The following FBXO25 variants were observed in gnomAD, a reference collection of about 807,000 sequenced individuals.
The protein encoded by FBXO25 is F-box only protein 25.
FBXO25 carries 45 observed loss-of-function variants against 51.9 expected under a neutral mutation model. That is an observed-to-expected ratio of 0.87 (90% CI 0.68 to 1.11). FBXO25 has a LOEUF of 1.11. Among genes scored for constraint, FBXO25 ranks in the 50% most tolerant of loss-of-function variants. The pLI is 0.00. For synonymous variants in FBXO25, 199 were observed against 151.0 expected, an observed-to-expected ratio of 1.32 and a Z score of -2.33; for missense variants, 507 against 428.5, an observed-to-expected ratio of 1.18 and a Z score of -1.62.
rs1585119552 is a variant in FBXO25, at chr8:470,545, G to A, written c.*1741G>A. Reference sequence around the variant, plus strand: ...CAGGCATATACCACCATGCTCAGCTGTTTTTTTGTATTTTTAGTAGAGATG... The same window carrying A: ...CAGGCATATACCACCATGCTCAGCTATTTTTTTGTATTTTTAGTAGAGATG... On this transcript the variant is annotated 3_prime_UTR_variant, in exon 10 of 10. Coordinates refer to ENST00000350302, the MANE Select transcript of FBXO25 (RefSeq NM_183420.2). 1 of 151,780 alleles carries A rather than the reference G, an allele frequency of 6.6e-6. No individual in the cohort carries two copies. The highest frequency in any genetic ancestry group is 6.6e-5 in the Admixed American group (1 of 15,210). 9.4% of individuals were successfully genotyped at this position (151,780 alleles called of 1,614,324 possible).
intron 5 of FBXO25, among the ~76,000 whole-genome samples, chr8:448,948 A>G (rs1798902842): frequency 6.6e-6 from 1 of 152,256 alleles, no homozygotes; most frequent in South Asian, 2.1e-4. Context: ...AAACATTTCT[A>G]AATTTCAGAA....
intron 2 of FBXO25, among the ~76,000 whole-genome samples, chr8:428,176 A>T (rs1425561740): frequency 6.6e-6 from 1 of 152,164 alleles, no homozygotes; most frequent in African/African-American, 2.4e-5. Flanking sequence ...ATGGAAAGGA[A>T]CTTGGAAAAG....
chr8:450,153 T>C, intron 6 of FBXO25, 70 bp downstream of exon 6: 2 of 1,128,184 alleles, frequency 1.8e-6, no homozygotes, highest in Non-Finnish European at 2.6e-6. Context: ...GATGGGATTT[T>C]TCTTTTATCT....
rs575790319 is a variant in FBXO25, at chr8:474,061, T to A, written c.*5257T>A. Reference sequence around the variant, plus strand: ...ACAAGTTCAACTTTACAAGATGAACTTTTGTCATCTTGTAAAACTGAAGCT... The same window carrying A: ...ACAAGTTCAACTTTACAAGATGAACATTTGTCATCTTGTAAAACTGAAGCT... On this transcript the variant is annotated 3_prime_UTR_variant, in exon 10 of 10. Coordinates refer to ENST00000350302, the MANE Select transcript of FBXO25 (RefSeq NM_183420.2). The A allele has an allele frequency of 6.6e-6, 1 of 151,942 alleles. No homozygotes were observed. Among genetic ancestry groups the A allele is most frequent in the South Asian group, 2.1e-4 (1 of 4,832 alleles). 9.4% of individuals were successfully genotyped at this position (151,942 alleles called of 1,614,324 possible). A position where few individuals can be genotyped will look rare whatever the true frequency, so the allele number is the denominator to read the frequency against.
rs564896072 is a variant in FBXO25, at chr8:468,991, A to C, written c.*187A>C. Reference sequence around the variant, plus strand: ...TTTTCATCACTGAAAGTCAGAGGCCAAGGAAATCATTTCTACTTCTTTAAA... The same window carrying C: ...TTTTCATCACTGAAAGTCAGAGGCCCAGGAAATCATTTCTACTTCTTTAAA... On this transcript the variant is annotated 3_prime_UTR_variant, in exon 10 of 10. Transcript: ENST00000350302. The C allele has an allele frequency of 6.2e-4, 351 of 563,296 alleles. 9 individuals are homozygous for C. The South Asian group carries it at 6.4e-3, about 10-fold the overall frequency. The allele number at this position is 563,296 out of a possible 1,614,324, so 34.9% of individuals were successfully genotyped here.
intron 2 of FBXO25, among the ~76,000 whole-genome samples, chr8:421,163 C>T (rs1044530978): frequency 5.3e-5 from 8 of 152,200 alleles, no homozygotes; most frequent in Non-Finnish European, 1.0e-4. Context: ...GGAGCGTGAA[C>T]CCTGTTGTGA....
At chr8:431,211 A>G (rs9644342) in intron 2 of FBXO25, 130 bp from the exon 3 acceptor site, 4 of 537,204 alleles carry the variant, frequency 7.4e-6, no homozygotes, top group South Asian at 5.1e-5. Flanking sequence ...ACAAAAATGT[A>G]TTAGACATTA....
At chr8:457,941 G>C (rs536775845) in intron 7 of FBXO25, among the ~76,000 whole-genome samples, 13 of 152,356 alleles carry the variant, frequency 8.5e-5, no homozygotes, top group Non-Finnish European at 1.8e-4. Flanking sequence ...AGGCCACCCA[G>C]TGGTGTGGCA....
At chr8:440,292 A>G (rs1798347628) in intron 5 of FBXO25, among the ~76,000 whole-genome samples, 1 of 152,358 alleles carries the variant, frequency 6.6e-6, no homozygotes, top group African/African-American at 2.4e-5. Context: ...AAGCTCTTGG[A>G]ACAGTCTGTA....
At position 450,176 on chromosome 8, in the gene FBXO25, C is replaced by T. The variant is rs1422788206; in HGVS notation, c.475+93C>T. 4 of 777,458 alleles carry T rather than the reference C, an allele frequency of 5.1e-6. No homozygotes were observed. The Admixed American group carries it at 8.2e-5, about 16-fold the overall frequency. 48.2% of individuals were successfully genotyped at this position (777,458 alleles called of 1,614,324 possible). The stretch of plus-strand genomic sequence containing the variant: ...TTTTCTTTTATCTTTACCCAGTACA[C>T]ATACTGTCAAAAACAATTGTGTAAA... On this transcript the variant is annotated intron_variant, in intron 6 of 9. Coordinates refer to ENST00000350302, the MANE Select transcript of FBXO25 (RefSeq NM_183420.2).
intron 2 of FBXO25, among the ~76,000 whole-genome samples, chr8:413,456 G>C (rs1046375666): frequency 2.0e-5 from 3 of 151,894 alleles, no homozygotes; most frequent in Non-Finnish European, 2.9e-5. Context: ...TTGGGAGAGA[G>C]GTATTATTTT....
In FBXO25 at chr8:458,218, C is replaced by G. The variant is rs185009445; in HGVS notation, c.661-151C>G. On this transcript the variant is annotated intron_variant, in intron 7 of 9. Coordinates refer to ENST00000350302, the MANE Select transcript of FBXO25 (RefSeq NM_183420.2). Reference sequence around the variant, plus strand: ...CCAGCCTTCCCCACGGTGGTGGATGCAGGCCCCTTGACACCTTGCGACGCA... The same window carrying G: ...CCAGCCTTCCCCACGGTGGTGGATGGAGGCCCCTTGACACCTTGCGACGCA... 7 of 790,006 alleles carry G rather than the reference C, an allele frequency of 8.9e-6. No homozygotes were observed. The East Asian group carries it at 1.9e-4, about 21-fold the overall frequency. The allele number at this position is 790,006 out of a possible 1,614,324, so 48.9% of individuals were successfully genotyped here. A position where few individuals can be genotyped will look rare whatever the true frequency, so the allele number is the denominator to read the frequency against.
Position 469,018 on chromosome 8 carries a change from A to G in FBXO25, c.*214A>G. 1 of 503,240 alleles carries G rather than the reference A, an allele frequency of 2.0e-6. No homozygotes were observed. The highest frequency in any genetic ancestry group is 3.1e-5 in the South Asian group (1 of 32,422). The allele number at this position is 503,240 out of a possible 1,614,324, so 31.2% of individuals were successfully genotyped here. A position where few individuals can be genotyped will look rare whatever the true frequency, so the allele number is the denominator to read the frequency against. On this transcript the variant is annotated 3_prime_UTR_variant, in exon 10 of 10. Coordinates refer to ENST00000350302, the MANE Select transcript of FBXO25 (RefSeq NM_183420.2). ...GGAAATCATTTCTACTTCTTTAAAAACTCCTTCTAAGCATATTAAAATGTG... is the reference window on the plus strand; with the variant it reads ...GGAAATCATTTCTACTTCTTTAAAAGCTCCTTCTAAGCATATTAAAATGTG...
chr8:442,669 C>T (rs1220410237), intron 5 of FBXO25, among the ~76,000 whole-genome samples: 2 of 151,932 alleles, frequency 1.3e-5, no homozygotes, highest in Non-Finnish European at 2.9e-5. Context: ...GGGGTTTTGC[C>T]GTATGGGTCA....
In FBXO25 at chr8:468,874, CTG is replaced by C. The variant is rs1800367368; in HGVS notation, c.*73_*74del. 4 of 1,467,722 alleles carry C rather than the reference CTG, an allele frequency of 2.7e-6. No individual in the cohort carries two copies. Among genetic ancestry groups the C allele is most frequent in the Admixed American group, 3.9e-5 (2 of 51,468 alleles). The allele number at this position is 1,467,722 out of a possible 1,614,324, so 90.9% of individuals were successfully genotyped here. A position where few individuals can be genotyped will look rare whatever the true frequency, so the allele number is the denominator to read the frequency against. On this transcript the variant is annotated 3_prime_UTR_variant, in exon 10 of 10. Coordinates refer to ENST00000350302, the MANE Select transcript of FBXO25 (RefSeq NM_183420.2). ...CTGTGCAGGGCTCATAGTGAGTGTT[CTG>C]TGAGGTGGGTGGAGACTCCTCGGAA...
rs1397809227 is a variant in FBXO25, at chr8:477,768, G to A, written c.*8964G>A. On this transcript the variant is annotated 3_prime_UTR_variant, in exon 10 of 10. Coordinates refer to ENST00000350302, the MANE Select transcript of FBXO25 (RefSeq NM_183420.2). ...CCAAACTTTTTGGACAATAAAATCT[G>A]AATTTCACATACTTTTCTTATGTCA... The A allele has an allele frequency of 6.6e-6, 1 of 152,216 alleles. No homozygotes were observed. 9.4% of individuals were successfully genotyped at this position (152,216 alleles called of 1,614,324 possible).
At chr8:462,590 A>G (rs1359707636) in intron 8 of FBXO25, among the ~76,000 whole-genome samples, 2 of 152,248 alleles carry the variant, frequency 1.3e-5, no homozygotes, top group East Asian at 3.8e-4. Context: ...ACTGCCTTTG[A>G]AAAATAATTT....
intron 5 of FBXO25, among the ~76,000 whole-genome samples, chr8:442,692 A>G (rs1042152069): frequency 6.6e-6 from 1 of 151,048 alleles, no homozygotes; most frequent in Non-Finnish European, 1.5e-5. Flanking sequence ...CTGGTCTTGA[A>G]CTCCTGACCT....
intron 2 of FBXO25, among the ~76,000 whole-genome samples, chr8:417,310 A>G (rs1796867379): frequency 6.6e-6 from 1 of 152,220 alleles, no homozygotes; most frequent in East Asian, 1.9e-4. Context: ...CGTGTTAAAA[A>G]CAGACTTCCA....
Sources: allele counts gnomAD v4.1 joint callset (sites outside exome capture counted in the v4.1 genomes callset), GRCh38; gene constraint gnomAD v4.1.1; transcripts MANE v1.5; gene names NCBI Gene and HGNC (gene_info 2026-07-23, HGNC 2026-07-21).